The following AGMO variants were observed in gnomAD, a reference collection of about 807,000 sequenced individuals.
AGMO encodes alkylglycerol monooxygenase, also known as glyceryl-ether monooxygenase.
AGMO carries 75 observed loss-of-function variants against 60.2 expected under a neutral mutation model. The ratio of observed to expected loss-of-function variants is 1.25; its 90% CI spans 1.03 to 1.51. The LOEUF is 1.51. Among genes scored for constraint, AGMO ranks in the 40% most tolerant of loss-of-function variants. AGMO has a pLI of 0.00. For missense variants in AGMO, 763 were observed against 525.5 expected (o/e 1.45, Z -4.42); for synonymous variants, 261 against 177.1 (o/e 1.47, Z -3.76).
At chr7:15,223,066 T>C (rs1214063665) in intron 12 of AGMO, among the ~76,000 whole-genome samples, 5 of 152,018 alleles carry the variant, frequency 3.3e-5, no homozygotes, top group Non-Finnish European at 7.4e-5. Flanking sequence ...GTAGTTTAGT[T>C]TTATATTTAA....
chr7:15,272,093 G>T (rs1205422605), intron 12 of AGMO, among the ~76,000 whole-genome samples: 2 of 151,784 alleles, frequency 1.3e-5, no homozygotes, highest in African/African-American at 4.8e-5. Flanking sequence ...ATTTTGTTGA[G>T]GATTTTTGCA....
intron 3 of AGMO, among the ~76,000 whole-genome samples, chr7:15,484,579 G>A (rs1782863282): frequency 6.6e-6 from 1 of 151,924 alleles, no homozygotes. Context: ...ATGTTTACAG[G>A]AATTTAAAAC....
At chr7:15,148,271 T>G in the AGMO span, among the ~76,000 whole-genome samples, 7 of 152,154 alleles carry the variant, frequency 4.6e-5, no homozygotes, top group African/African-American at 1.7e-4. Context: ...ATTTTGCTCT[T>G]ATTCTTCAAA....
At chr7:15,246,994 C>T (rs751879617) in intron 12 of AGMO, among the ~76,000 whole-genome samples, 2 of 152,054 alleles carry the variant, frequency 1.3e-5, no homozygotes, top group Non-Finnish European at 2.9e-5. Flanking sequence ...TCTGTAGAGA[C>T]ATGGTTTCAA....
Position 15,307,501 on chromosome 7 carries a change from G to A in AGMO, c.1263+58013C>T, listed in dbSNP as rs189212023. On this transcript the variant is annotated intron_variant, in intron 12 of 12. Transcript: ENST00000342526. Reference sequence around the variant, plus strand: ...GTTTTAAAACTAGTAAGGATGTTCTGAAATAAATCAGTAAAGTATACTAGT... The same window carrying A: ...GTTTTAAAACTAGTAAGGATGTTCTAAAATAAATCAGTAAAGTATACTAGT... Among the ~76,000 whole-genome samples the A allele has an allele frequency of 7.9e-5, 12 of 151,814 alleles. No individual in the cohort carries two copies. In the East Asian group the frequency reaches 1.5e-3, roughly 20 times the overall value.
the AGMO span, among the ~76,000 whole-genome samples, chr7:15,149,951 G>A: frequency 6.6e-6 from 1 of 152,078 alleles, no homozygotes; most frequent in African/African-American, 2.4e-5. Context: ...CTTAGAGCAT[G>A]GAATGTTTTT....
intron 12 of AGMO, among the ~76,000 whole-genome samples, chr7:15,276,145 T>A (rs1156602425): frequency 6.6e-6 from 1 of 152,178 alleles, no homozygotes; most frequent in East Asian, 1.9e-4. Flanking sequence ...ACTTATGTAA[T>A]GTCTTTTTTG....
At chr7:15,535,759 T>C (rs1274492615) in intron 3 of AGMO, among the ~76,000 whole-genome samples, 2 of 151,958 alleles carry the variant, frequency 1.3e-5, no homozygotes, top group African/African-American at 4.8e-5. Flanking sequence ...TGGATATCCA[T>C]CACTACACAT....
chr7:15,531,801 T>C (rs116429362), intron 3 of AGMO, among the ~76,000 whole-genome samples: 3,566 of 150,810 alleles, frequency 0.024, 162 homozygotes, highest in African/African-American at 0.083. Flanking sequence ...GCTGGGATTA[T>C]AGGATTACAG....
intron 2 of AGMO, among the ~76,000 whole-genome samples, chr7:15,552,897 G>A (rs371356632): frequency 1.9e-3 from 286 of 149,730 alleles, no homozygotes; most frequent in African/African-American, 5.1e-3. Context: ...CATTATTCAC[G>A]ATAGCAAAGA....
At chr7:15,127,447 C>T in the AGMO span, among the ~76,000 whole-genome samples, 1 of 151,970 alleles carries the variant, frequency 6.6e-6, no homozygotes, top group African/African-American at 2.4e-5. Flanking sequence ...AAAAAATTAT[C>T]TAGTATATGT....
the AGMO span, among the ~76,000 whole-genome samples, chr7:15,123,273 TTTTG>T: frequency 6.6e-6 from 1 of 152,086 alleles, no homozygotes; most frequent in East Asian, 1.9e-4. Context: ...TGTCCTTTAT[TTTTG>T]TTTATCTACA....
chr7:15,407,653 T>C (rs1268965793), intron 5 of AGMO, among the ~76,000 whole-genome samples: 1 of 151,894 alleles, frequency 6.6e-6, no homozygotes, highest in Non-Finnish European at 1.5e-5. Flanking sequence ...ACTCTAGCAA[T>C]AATTATCAAC....
the AGMO span, among the ~76,000 whole-genome samples, chr7:15,189,750 G>T: frequency 6.6e-6 from 1 of 151,490 alleles, no homozygotes; most frequent in Non-Finnish European, 1.5e-5. Context: ...TCATGTCTTC[G>T]AGCGCTGAGA....
At chr7:15,202,832 A>G (rs1315141283) in intron 12 of AGMO, among the ~76,000 whole-genome samples, 1 of 152,126 alleles carries the variant, frequency 6.6e-6, no homozygotes, top group Non-Finnish European at 1.5e-5. Context: ...CAGGTAAAAT[A>G]ATACTGCGCT....
intron 10 of AGMO, among the ~76,000 whole-genome samples, chr7:15,383,112 C>T (rs1464135029): frequency 1.3e-5 from 2 of 151,496 alleles, no homozygotes; most frequent in South Asian, 2.1e-4. Context: ...TACATAGATT[C>T]GTTCAGTGAT....
chr7:15,485,722 G>C (rs1782903710), intron 3 of AGMO, among the ~76,000 whole-genome samples: 1 of 151,866 alleles, frequency 6.6e-6, no homozygotes, highest in South Asian at 2.1e-4. Flanking sequence ...CTCTTAGCAC[G>C]GTGCCCTGTT....
At chr7:15,363,211 CT>C (rs1431373998) in intron 12 of AGMO, among the ~76,000 whole-genome samples, 2 of 152,282 alleles carry the variant, frequency 1.3e-5, no homozygotes, top group Admixed American at 1.3e-4. Context: ...ATAGCACTGA[CT>C]TTTCCTTCAA....
the AGMO span, among the ~76,000 whole-genome samples, chr7:15,132,262 A>G: frequency 6.6e-6 from 1 of 152,178 alleles, no homozygotes; most frequent in Admixed American, 6.5e-5. Flanking sequence ...TATTGTTAGC[A>G]TTTAAATGAA....
Sources: allele counts gnomAD v4.1 joint callset (sites outside exome capture counted in the v4.1 genomes callset), GRCh38; gene constraint gnomAD v4.1.1; transcripts MANE v1.5; gene names NCBI Gene and HGNC (gene_info 2026-07-23, HGNC 2026-07-21).